TPRG1: variants seen among roughly 807,000 people sequenced by gnomAD.
TPRG1 encodes tumor protein p63 regulated 1.
Under a neutral mutation model 29.3 loss-of-function variants are expected in TPRG1, and 29 were observed. The observed-to-expected ratio is 0.99, with a 90% confidence interval of 0.74 to 1.35. The LOEUF (loss-of-function observed/expected upper bound fraction) is 1.35. Ranked by LOEUF, TPRG1 falls within the 40% of genes most tolerant of loss-of-function variation. TPRG1 has a pLI of 0.00. For synonymous variants in TPRG1, 130 were observed against 116.8 expected (o/e 1.11, Z -0.73); for missense variants, 327 against 335.0 (o/e 0.98, Z 0.19).
chr3:189,018,910 G>A (rs2152124093), intron 3 of TPRG1, among the ~76,000 whole-genome samples: 3 of 151,362 alleles, frequency 2.0e-5, no homozygotes, highest in African/African-American at 7.3e-5. Context: ...ATTTCCTTGA[G>A]CAGTGGATTG....
chr3:189,291,150 C>T (rs1718943040), intron 4 of TPRG1, among the ~76,000 whole-genome samples: 1 of 152,128 alleles, frequency 6.6e-6, no homozygotes, highest in Non-Finnish European at 1.5e-5. Flanking sequence ...ATCCGCCTGC[C>T]TCAGCCTCCC....
chr3:189,216,585 G>A (rs879220569), intron 3 of TPRG1, among the ~76,000 whole-genome samples: 5 of 152,248 alleles, frequency 3.3e-5, no homozygotes, highest in African/African-American at 7.2e-5. Context: ...ATGAGATAAC[G>A]TTGGTAAATT....
intron 4 of TPRG1, among the ~76,000 whole-genome samples, chr3:189,266,513 T>A (rs1014573370): frequency 6.6e-6 from 1 of 152,048 alleles, no homozygotes; most frequent in Non-Finnish European, 1.5e-5. Flanking sequence ...AATAGGGACA[T>A]GATGAGTTGG....
chr3:189,184,385 G>A (rs1730637191), intron 1 of TPRG1, among the ~76,000 whole-genome samples: 1 of 152,122 alleles, frequency 6.6e-6, no homozygotes, highest in South Asian at 2.1e-4. Context: ...AGTGTAAAAG[G>A]CAGTTTACGA....
intron 4 of TPRG1, among the ~76,000 whole-genome samples, chr3:189,308,174 AAGATTCAGAAAGAGAAATGATTC>A: frequency 6.7e-6 from 1 of 148,342 alleles, no homozygotes; most frequent in East Asian, 1.9e-4. Context: ...ACATATTCAG[AAGATTCAGAAAGAGAAATGATTC>A]AGATTCAGAA....
intron 1 of TPRG1, among the ~76,000 whole-genome samples, chr3:189,112,490 A>G (rs945145198): frequency 3.9e-5 from 6 of 152,184 alleles, no homozygotes; most frequent in Non-Finnish European, 8.8e-5. Flanking sequence ...GTTTTCTTCT[A>G]GGGTTTTTAT....
intron 1 of TPRG1, among the ~76,000 whole-genome samples, chr3:189,195,616 C>G (rs1451930705): frequency 6.6e-6 from 1 of 152,212 alleles, no homozygotes; most frequent in African/African-American, 2.4e-5. Context: ...GTCAGCATCT[C>G]CTCTGGAGGG....
At chr3:189,308,505 A>T (rs1156445715) in intron 4 of TPRG1, among the ~76,000 whole-genome samples, 1 of 152,228 alleles carries the variant, frequency 6.6e-6, no homozygotes, top group Non-Finnish European at 1.5e-5. Flanking sequence ...GTGATAACTT[A>T]GCTTCAGATT....
rs59584844 is a variant in TPRG1 at position 189,203,335 on chromosome 3, AT to A, written c.-9-4031del. Among the ~76,000 whole-genome samples, 1,176 of 148,900 alleles carry A rather than the reference AT, an allele frequency of 7.9e-3. 14 individuals are homozygous for A. The highest frequency in any genetic ancestry group is 0.027 in the African/African-American group (1,103 of 40,786). On this transcript the variant is annotated intron_variant, in intron 1 of 5. Transcript: ENST00000345063. ...GTACTTCCTTAAGGCTTTATTTGGGATTTTTTTTTTAATGCTAAAAAAATCA... is the reference window on the plus strand; with the variant it reads ...GTACTTCCTTAAGGCTTTATTTGGGATTTTTTTTTAATGCTAAAAAAATCA...
intron 1 of TPRG1, among the ~76,000 whole-genome samples, chr3:189,178,316 G>A (rs962845138): frequency 6.6e-6 from 1 of 152,144 alleles, no homozygotes; most frequent in Non-Finnish European, 1.5e-5. Context: ...ATCACTTGAG[G>A]CCAGGAGTTC....
chr3:189,173,773 G>C (rs1729137341), intron 1 of TPRG1, among the ~76,000 whole-genome samples: 1 of 152,030 alleles, frequency 6.6e-6, no homozygotes, highest in Admixed American at 6.6e-5. Context: ...GTCCCAAGCA[G>C]AAGCATTAGC....
At chr3:189,155,439 T>C (rs1015389158) in intron 5 of TPRG1, among the ~76,000 whole-genome samples, 2 of 152,052 alleles carry the variant, frequency 1.3e-5, no homozygotes, top group Non-Finnish European at 2.9e-5. Context: ...CAGATGTGGT[T>C]AGAGATCTTG....
chr3:189,076,942 A>ATATATG lies in TPRG1; in HGVS notation c.-462-50115_-462-50114insTATATG, dbSNP rs199941065. ...TGTGTACATATATATATATATATAT[A>ATATATG]GCCAATAAGCACATGAGAAAGTGCT... On this transcript the variant is annotated intron_variant, in intron 4 of 10. Transcript: ENST00000433971. Among the ~76,000 whole-genome samples the ATATATG allele has an allele frequency of 2.4e-4, 37 of 151,312 alleles. 1 individual carries two copies. The highest frequency in any genetic ancestry group is 7.8e-4 in the African/African-American group (32 of 40,774).
rs58248647 is a variant in TPRG1, at chr3:189,045,583, A to C, written c.-463+21637A>C. Among the ~76,000 whole-genome samples the C allele has an allele frequency of 9.3e-3, 1,420 of 152,376 alleles. 29 individuals are homozygous for C. The highest frequency in any genetic ancestry group is 0.033 in the African/African-American group (1,371 of 41,584). On this transcript the variant is annotated intron_variant, in intron 4 of 10. Coordinates refer to the TPRG1 transcript ENST00000433971. ...CTGTAAAGTGGGAAAATGTCTGTAC[A>C]GTGCAAAATATCTGTACAGTGCACG...
intron 3 of TPRG1, among the ~76,000 whole-genome samples, chr3:189,145,926 TTA>T (rs1289312172): frequency 6.6e-6 from 1 of 152,234 alleles, no homozygotes; most frequent in Non-Finnish European, 1.5e-5. Flanking sequence ...TATATTGATA[TTA>T]TATGTGTCTG....
chr3:189,137,977 GA>G (rs1053360984), intron 3 of TPRG1, among the ~76,000 whole-genome samples: 28 of 152,046 alleles, frequency 1.8e-4, no homozygotes, highest in Non-Finnish European at 3.8e-4. Flanking sequence ...AAATAGAAAG[GA>G]AAAAAGAGAG....
At chr3:189,243,993 A>C (rs1377321544) in intron 4 of TPRG1, among the ~76,000 whole-genome samples, 1 of 151,910 alleles carries the variant, frequency 6.6e-6, no homozygotes, top group African/African-American at 2.4e-5. Flanking sequence ...AACTCATTCA[A>C]CCTCTGCCTG....
intron 1 of TPRG1, among the ~76,000 whole-genome samples, chr3:189,177,487 T>C (rs1197040976): frequency 6.6e-6 from 1 of 151,484 alleles, no homozygotes; most frequent in Non-Finnish European, 1.5e-5. Context: ...TGTATATACA[T>C]ATATATGTCT....
At chr3:189,153,513 A>G (rs1354702440) in intron 5 of TPRG1, among the ~76,000 whole-genome samples, 1 of 151,992 alleles carries the variant, frequency 6.6e-6, no homozygotes, top group Non-Finnish European at 1.5e-5. Context: ...TGGCCCCTGC[A>G]TCACTCAGTC....
Sources: gnomAD v4.1 joint callset for allele counts (sites outside exome capture counted in the v4.1 genomes callset) on GRCh38, gnomAD v4.1.1 for gene constraint, MANE v1.5 for transcripts, NCBI Gene and HGNC (gene_info 2026-07-23, HGNC 2026-07-21) for gene names.